DOCK1: variants seen among roughly 807,000 people sequenced by gnomAD.
The protein encoded by DOCK1 is dedicator of cytokinesis 1.
DOCK1 carries 138 observed loss-of-function variants against 262.7 expected under a neutral mutation model. The observed-to-expected ratio is 0.53, with a 90% CI of 0.46 to 0.61. The LOEUF (loss-of-function observed/expected upper bound fraction) is 0.61, where lower values mean the gene tolerates loss of function less well. Ranked by LOEUF, DOCK1 falls within the 20% of genes least tolerant of loss-of-function variation. The pLI, the probability that DOCK1 is intolerant of heterozygous loss-of-function variation, is 0.00. For missense variants in DOCK1, 1,908 were observed against 2,370.7 expected (o/e 0.80, Z 4.05); for synonymous variants, 866 against 867.4 (o/e 1.00, Z 0.03).
intron 1 of DOCK1, among the ~76,000 whole-genome samples, chr10:126,935,653 A>G (rs1046606643): frequency 0.026 from 3,902 of 152,208 alleles, 78 homozygotes; most frequent in Middle Eastern, 0.085. Flanking sequence ...CTGTTTGCCT[A>G]ACTTCTCTCT....
chr10:127,036,651 G>A (rs1225054293), intron 18 of DOCK1, among the ~76,000 whole-genome samples: 1 of 152,058 alleles, frequency 6.6e-6, no homozygotes. Context: ...CTTTCCTAGA[G>A]AGCTTTTGGA....
chr10:127,039,560 G>A (rs1356512749), intron 19 of DOCK1, among the ~76,000 whole-genome samples: 1 of 152,130 alleles, frequency 6.6e-6, no homozygotes, highest in East Asian at 1.9e-4. Context: ...TGGGTGACCT[G>A]TCCAGCCCTT....
At chr10:127,224,477 A>C (rs904714285) in intron 27 of DOCK1, among the ~76,000 whole-genome samples, 1 of 151,706 alleles carries the variant, frequency 6.6e-6, no homozygotes, top group Admixed American at 6.6e-5. Context: ...GAGGAAAATC[A>C]CTTGAACCTG....
chr10:127,241,523 G>C (rs1254915294), intron 27 of DOCK1, among the ~76,000 whole-genome samples: 1 of 152,030 alleles, frequency 6.6e-6, no homozygotes, highest in Non-Finnish European at 1.5e-5. Flanking sequence ...AGGCGCATGG[G>C]CTTTCCTGCA....
intron 13 of DOCK1, among the ~76,000 whole-genome samples, chr10:127,020,882 G>A (rs918915910): frequency 8.5e-5 from 13 of 152,140 alleles, no homozygotes; most frequent in African/African-American, 3.1e-4. Context: ...TTTGGACAGC[G>A]CAGAGCCTGT....
At chr10:127,387,550 C>CT (rs1350375164) in intron 38 of DOCK1, among the ~76,000 whole-genome samples, 2 of 152,180 alleles carry the variant, frequency 1.3e-5, no homozygotes, top group Admixed American at 1.3e-4. Context: ...GAAACATCCT[C>CT]TTTTCTCCTT....
intron 1 of DOCK1, among the ~76,000 whole-genome samples, chr10:126,920,720 G>A (rs1000139119): frequency 4.6e-5 from 7 of 152,198 alleles, no homozygotes; most frequent in Admixed American, 1.3e-4. Flanking sequence ...AGGATACTAT[G>A]TTAAGACATT....
At chr10:127,046,839 G>T (rs958456461) in intron 21 of DOCK1, among the ~76,000 whole-genome samples, 4 of 151,306 alleles carry the variant, frequency 2.6e-5, no homozygotes, top group African/African-American at 9.7e-5. Context: ...TAATTGCAGT[G>T]AAGGTTGCTC....
chr10:127,255,733 C>A (rs1238235100), intron 28 of DOCK1, among the ~76,000 whole-genome samples: 1 of 152,200 alleles, frequency 6.6e-6, no homozygotes, highest in African/African-American at 2.4e-5. Context: ...ATATGCTTCT[C>A]TTCCAGAATA....
At chr10:127,103,079 A>C (rs1025475233) in intron 23 of DOCK1, among the ~76,000 whole-genome samples, 1 of 151,998 alleles carries the variant, frequency 6.6e-6, no homozygotes, top group East Asian at 1.9e-4. Flanking sequence ...GTCTTGTTTT[A>C]TTTATCACTG....
chr10:127,008,948 T>A (rs1416074958), intron 11 of DOCK1, 144 bp downstream of exon 11: 2 of 818,758 alleles, frequency 2.4e-6, no homozygotes, highest in African/African-American at 1.7e-5. Flanking sequence ...GTCACTGCTG[T>A]AGTACATGGA....
At chr10:127,214,247 G>A (rs1374815683) in intron 27 of DOCK1, among the ~76,000 whole-genome samples, 8 of 152,164 alleles carry the variant, frequency 5.3e-5, no homozygotes, top group Non-Finnish European at 7.4e-5. Context: ...AATGCTTCCC[G>A]CTCCAGTCCC....
Position 127,012,202 on chromosome 10 carries a change from C to A in DOCK1, c.1059-30C>A. 4.0e-6 allele frequency: 5 copies of A among 1,239,930 alleles called. No homozygotes were observed. Among genetic ancestry groups the A allele is most frequent in the Non-Finnish European group, 5.9e-6 (5 of 841,538 alleles). 76.8% of individuals were successfully genotyped at this position (1,239,930 alleles called of 1,614,324 possible). Reference sequence around the variant, plus strand: ...ATGGGTCTCTGTGCCCCTTTGTCTCCTGTGGTCTTGGTCGTCCCGTGCCCT... The same window carrying A: ...ATGGGTCTCTGTGCCCCTTTGTCTCATGTGGTCTTGGTCGTCCCGTGCCCT... On this transcript the variant is annotated intron_variant, in intron 11 of 51. Coordinates refer to ENST00000623213, the MANE Select transcript of DOCK1 (RefSeq NM_001290223.2). The surrounding 1 kb of genome is among the most constrained non-coding windows in gnomAD (Gnocchi z 4.0).
In DOCK1 at chr10:126,950,448, G is replaced by C. The variant is rs965100592; in HGVS notation, c.47-20254G>C. Among the ~76,000 whole-genome samples the C allele has an allele frequency of 5.2e-3, 792 of 152,108 alleles. 12 individuals carry two copies. Among genetic ancestry groups the C allele is most frequent in the African/African-American group, 0.018 (756 of 41,500 alleles). ...TCCTTTAGACTGGGGTTCCATTCAT[G>C]GGATTAATGGAATTGTTATTTCATC... On this transcript the variant is annotated intron_variant, in intron 1 of 51. Coordinates refer to ENST00000623213, the MANE Select transcript of DOCK1 (RefSeq NM_001290223.2).
intron 38 of DOCK1, among the ~76,000 whole-genome samples, chr10:127,389,742 G>A (rs965548605): frequency 1.3e-5 from 2 of 152,148 alleles, no homozygotes; most frequent in African/African-American, 2.4e-5. Context: ...CCGGCCGGGC[G>A]TGGTGGCTCA....
chr10:127,341,475 A>G (rs548078852), intron 30 of DOCK1, among the ~76,000 whole-genome samples: 1 of 152,356 alleles, frequency 6.6e-6, no homozygotes, highest in African/African-American at 2.4e-5. Flanking sequence ...CATTGAATTG[A>G]TAAATAAATT....
At chr10:127,397,753 A>C (rs202061740) in intron 38 of DOCK1, among the ~76,000 whole-genome samples, 1 of 86,554 alleles carries the variant, frequency 1.2e-5, no homozygotes, top group Non-Finnish European at 2.3e-5. Flanking sequence ...CCTGTATGAC[A>C]CGGGCAGCGA....
At chr10:127,262,156 GTA>G (rs751391669) in intron 29 of DOCK1, among the ~76,000 whole-genome samples, 2 of 142,922 alleles carry the variant, frequency 1.4e-5, no homozygotes, top group Non-Finnish European at 3.0e-5. Context: ...GTGTGTACCT[GTA>G]TGTGTGTGCA....
chr10:127,085,218 A>C (rs2136046209), intron 23 of DOCK1, among the ~76,000 whole-genome samples: 1 of 152,324 alleles, frequency 6.6e-6, no homozygotes, highest in South Asian at 2.1e-4. Flanking sequence ...AGTAGATATT[A>C]AAAACCACAT....
Sources: gnomAD v4.1 joint callset for allele counts (sites outside exome capture counted in the v4.1 genomes callset) on GRCh38, gnomAD v4.1.1 for gene constraint, Gnocchi (gnomAD v3.1) non-coding constraint, MANE v1.5 for transcripts, NCBI Gene and HGNC (gene_info 2026-07-23, HGNC 2026-07-21) for gene names.